Variants in SPIRE2 observed in about 807,000 individuals in gnomAD.
The protein encoded by SPIRE2 is spire type actin nucleation factor 2, also known as protein spire homolog 2.
A neutral mutation model predicts 80.7 loss-of-function variants in SPIRE2; 76 were observed. That is an observed-to-expected ratio of 0.94 (90% CI 0.78 to 1.14). The LOEUF (loss-of-function observed/expected upper bound fraction) is 1.14. Ranked by LOEUF, SPIRE2 falls within the 50% of genes most tolerant of loss-of-function variation. The probability of loss-of-function intolerance (pLI) is 0.00; values close to 1 mark genes in which losing one functional copy is unlikely to be tolerated. For synonymous variants in SPIRE2, 535 were observed against 432.6 expected, an observed-to-expected ratio of 1.24 and a Z score of -2.94; for missense variants, 1,196 against 1,015.3, an observed-to-expected ratio of 1.18 and a Z score of -2.42.
rs191303806 is a variant in SPIRE2, at chr16:89,839,451, G to A, written c.245-5871G>A. Among the ~76,000 whole-genome samples, 430 of 152,178 alleles carry A rather than the reference G, an allele frequency of 2.8e-3. 1 individual carries two copies. Among genetic ancestry groups the A allele is most frequent in the African/African-American group, 0.01 (416 of 41,528 alleles). On this transcript the variant is annotated intron_variant, in intron 1 of 14. Coordinates refer to ENST00000378247, the MANE Select transcript of SPIRE2 (RefSeq NM_032451.2). Reference sequence around the variant, plus strand: ...GTGCCTTCCAGGAGTGTTGGCAGTGGGTGGGGGGCGGCGCTGATTTGAAAG... The same window carrying A: ...GTGCCTTCCAGGAGTGTTGGCAGTGAGTGGGGGGCGGCGCTGATTTGAAAG...
At chr16:89,836,068 A>G (rs941635585) in intron 1 of SPIRE2, 69 of 377,662 alleles carry the variant, frequency 1.8e-4, no homozygotes, top group African/African-American at 1.3e-3. Flanking sequence ...CCAGTTGTTT[A>G]GGAGGTTAAG....
rs2041764008 is a variant in SPIRE2, at chr16:89,863,670, G to C, written c.1710+60G>C. 1 of 1,613,410 alleles carries C rather than the reference G, an allele frequency of 6.2e-7. No individual in the cohort carries two copies. The highest frequency in any genetic ancestry group is 1.3e-5 in the African/African-American group (1 of 74,918). The stretch of plus-strand genomic sequence containing the variant: ...CCGCTGGGTCAGGGGCGGGTGCCGA[G>C]AGGGCCAGTTCCCAGGACTGTTTGC... On this transcript the variant is annotated intron_variant, in intron 11 of 14. Transcript: ENST00000378247. This position sits in a 1 kb window ranked among gnomAD's most constrained non-coding sequence, Gnocchi z 4.3.
chr16:89,853,217 G>T (rs2041653701), intron 3 of SPIRE2, among the ~76,000 whole-genome samples: 1 of 152,166 alleles, frequency 6.6e-6, no homozygotes. Context: ...TGCCCAGGCT[G>T]GTCTCAAACT....
intron 3 of SPIRE2, among the ~76,000 whole-genome samples, chr16:89,853,501 G>T (rs939609699): frequency 6.6e-6 from 1 of 152,160 alleles, no homozygotes; most frequent in African/African-American, 2.4e-5. Flanking sequence ...GCCACCCTCT[G>T]TGCCCTTTGC....
At chr16:89,862,034 G>A (rs1210238065) in intron 10 of SPIRE2, 1 of 147,226 alleles carries the variant, frequency 6.8e-6, no homozygotes, top group African/African-American at 2.5e-5. Context: ...ACAAGAGTCT[G>A]GCTCTGTCGC....
chr16:89,837,709 T>C (rs2041463587), intron 1 of SPIRE2, among the ~76,000 whole-genome samples: 1 of 152,022 alleles, frequency 6.6e-6, no homozygotes, highest in African/African-American at 2.4e-5. Context: ...CCTCCCGGAC[T>C]CGGGTCTCCG....
intron 1 of SPIRE2, among the ~76,000 whole-genome samples, chr16:89,834,438 G>C (rs1249270441): frequency 5.3e-5 from 7 of 132,730 alleles, no homozygotes; most frequent in African/African-American, 1.9e-4. Context: ...GGCCATCGTA[G>C]AAGCCTGGAT....
chr16:89,845,333 A>C lies in SPIRE2; in HGVS notation c.256A>C (p.Met86Leu), dbSNP rs375326493. 6.2e-7 allele frequency: 1 copy of C among 1,614,066 alleles called. No individual in the cohort carries two copies. Among genetic ancestry groups the C allele is most frequent in the Non-Finnish European group, 8.5e-7 (1 of 1,180,036 alleles). Reference protein sequence around the residue: ...REPEAAEPATMVVPLASSEAQ... With the variant: ...REPEAAEPATLVVPLASSEAQ... ...CTCTTCTCTTACAGAACCTGCAACC[A>C]TGGTCGTGCCACTAGCCAGCTCGGA... is the stretch of plus-strand genomic sequence containing the variant. Residue 86 changes from methionine to leucine, a missense_variant, in exon 2 of 15, where the codon ATG (methionine) becomes CTG (leucine). Physicochemically the swap from Met to Leu is conservative, Grantham distance 15 (BLOSUM62 2). Coordinates refer to ENST00000378247, the MANE Select transcript of SPIRE2 (RefSeq NM_032451.2).
In SPIRE2 at chr16:89,870,497, C is replaced by G; in HGVS notation, c.*225C>G. The G allele has an allele frequency of 2.0e-6, 1 of 494,238 alleles. No individual in the cohort carries two copies. Among genetic ancestry groups the G allele is most frequent in the South Asian group, 2.7e-5 (1 of 37,478 alleles). The allele number at this position is 494,238 out of a possible 1,614,324, so 30.6% of individuals were successfully genotyped here. A position where few individuals can be genotyped will look rare whatever the true frequency, so the allele number is the denominator to read the frequency against. On this transcript the variant is annotated 3_prime_UTR_variant, in exon 15 of 15. Coordinates refer to ENST00000378247, the MANE Select transcript of SPIRE2 (RefSeq NM_032451.2). ...GGCTGTTTCTTCTCAGGATTCCTTG[C>G]CAGGGAGGAAGGGGAGGGAACAGGG...
At chr16:89,856,037 C>A in intron 6 of SPIRE2, 76 bp from the exon 7 acceptor site, 2 of 1,574,248 alleles carry the variant, frequency 1.3e-6, no homozygotes, top group Non-Finnish European at 8.6e-7. Flanking sequence ...CCACAGGTCC[C>A]GCTTCCCCAC....
At chr16:89,868,043 T>C (rs2041805117) in intron 12 of SPIRE2, 146 bp from the exon 13 acceptor site, 1 of 860,454 alleles carries the variant, frequency 1.2e-6, no homozygotes, top group Admixed American at 2.2e-5. Flanking sequence ...GATTTTGGAG[T>C]AAAATAAAGT....
At position 89,869,671 on chromosome 16, in the gene SPIRE2, A is replaced by C. The variant is rs2041822044; in HGVS notation, c.1911A>C (p.Arg637Ser). 1 of 1,613,524 alleles carries C rather than the reference A, an allele frequency of 6.2e-7. No individual in the cohort carries two copies. Reference sequence around the variant, plus strand: ...CCAAAACCGCGCCAATCCAGAGAAGAGACATCTTTCAGTGCGTTCTTCGCC... The same window carrying C: ...CCAAAACCGCGCCAATCCAGAGAAGCGACATCTTTCAGTGCGTTCTTCGCC... ...SAAKTAPIQR[R>S]DIFQSLQGPQ... Residue 637 changes from arginine (R) to serine (S), a missense_variant, in exon 14 of 15, where the codon AGA (arginine) becomes AGC (serine). Coordinates refer to ENST00000378247, the MANE Select transcript of SPIRE2 (RefSeq NM_032451.2).
intron 9 of SPIRE2, among the ~76,000 whole-genome samples, 169 bp from the exon 10 acceptor site, chr16:89,860,514 C>A (rs1486675494): frequency 6.6e-6 from 1 of 152,192 alleles, no homozygotes; most frequent in Non-Finnish European, 1.5e-5. Flanking sequence ...CCCGCCTCGG[C>A]CTCCTAAGTG....
chr16:89,855,883 T>C, intron 6 of SPIRE2, 197 bp downstream of exon 6: 3 of 942,724 alleles, frequency 3.2e-6, no homozygotes, highest in South Asian at 1.7e-5. Context: ...GGGCCCTTTT[T>C]CTGGGAAGGG....
Position 89,850,678 on chromosome 16 carries a change from G to T in SPIRE2, c.645+18G>T. On this transcript the variant is annotated intron_variant, in intron 3 of 14. Transcript: ENST00000378247. Reference sequence around the variant, plus strand: ...CCAAGGAGGTGAGCGGTGGGTGGGGGCGACCGTGGAGGGTCCGGGAGGCCA... The same window carrying T: ...CCAAGGAGGTGAGCGGTGGGTGGGGTCGACCGTGGAGGGTCCGGGAGGCCA... 1 of 1,452,852 alleles carries T rather than the reference G, an allele frequency of 6.9e-7. No homozygotes were observed. Among genetic ancestry groups the T allele is most frequent in the Non-Finnish European group, 9.0e-7 (1 of 1,106,634 alleles). The allele number at this position is 1,452,852 out of a possible 1,614,324, so 90.0% of individuals were successfully genotyped here. A position where few individuals can be genotyped will look rare whatever the true frequency, so the allele number is the denominator to read the frequency against.
chr16:89,845,583 G>A, intron 2 of SPIRE2: 1 of 703,728 alleles, frequency 1.4e-6, no homozygotes, highest in Non-Finnish European at 2.6e-6. Flanking sequence ...TCCCCGTGGT[G>A]CTTCCGGCCT....
chr16:89,836,305 T>C (rs1419850577), intron 1 of SPIRE2: 1 of 455,388 alleles, frequency 2.2e-6, no homozygotes, highest in South Asian at 1.5e-5. Flanking sequence ...CGGTACATGC[T>C]CACAGGTTCT....
At position 89,828,789 on chromosome 16, in the gene SPIRE2, C is replaced by T. The variant is rs1657364637; in HGVS notation, c.239C>T (p.Ala80Val). ...DGSVGAREPEAAEPATMVVPL... is the reference protein window; with the variant it reads ...DGSVGAREPEVAEPATMVVPL... ...TCGGTCGGGGCGCGGGAGCCCGAGG[C>T]CGCGGGTGAGGCCGGGGGCGGGGCA... Residue 80 changes from alanine to valine, a missense_variant, in exon 1 of 15, where the codon GCC becomes GTC. Coordinates refer to ENST00000378247, the MANE Select transcript of SPIRE2 (RefSeq NM_032451.2). This position sits in a 1 kb window ranked among gnomAD's most constrained non-coding sequence, Gnocchi z 5.9. 8.5e-7 allele frequency: 1 copy of T among 1,182,476 alleles called. No individual in the cohort carries two copies. Among genetic ancestry groups the T allele is most frequent in the Non-Finnish European group, 1.0e-6 (1 of 956,210 alleles). 73.2% of individuals were successfully genotyped at this position (1,182,476 alleles called of 1,614,324 possible).
chr16:89,847,705 C>G (rs1207729026), intron 2 of SPIRE2, among the ~76,000 whole-genome samples: 7 of 152,220 alleles, frequency 4.6e-5, no homozygotes, highest in Non-Finnish European at 1.5e-5. Flanking sequence ...ACCTGCTGCC[C>G]CAGGCCTGCA....
Sources: gnomAD v4.1 joint callset for allele counts (sites outside exome capture counted in the v4.1 genomes callset) on GRCh38, gnomAD v4.1.1 for gene constraint, Gnocchi (gnomAD v3.1) non-coding constraint, MANE v1.5 for transcripts, NCBI Gene and HGNC (gene_info 2026-07-23, HGNC 2026-07-21) for gene names.